RBM6: variants seen among roughly 807,000 people sequenced by gnomAD.
RBM6 encodes the protein RNA-binding protein 6.
A neutral mutation model predicts 140.4 loss-of-function variants in RBM6; 23 were observed. That is an observed-to-expected ratio of 0.16 (90% CI 0.12 to 0.23). RBM6 has a LOEUF of 0.23. RBM6 is among the 10% of genes least tolerant of loss of function. The pLI, the probability that RBM6 is intolerant of heterozygous loss-of-function variation, is 1.00. For synonymous variants in RBM6, 439 were observed against 475.6 expected, an observed-to-expected ratio of 0.92 and a Z score of 1.00; for missense variants, 1,139 against 1,386.7, an observed-to-expected ratio of 0.82 and a Z score of 2.84.
chr3:49,980,990 C>T (rs1028784846), intron 5 of RBM6, among the ~76,000 whole-genome samples: 2 of 151,662 alleles, frequency 1.3e-5, no homozygotes, highest in African/African-American at 4.8e-5. Context: ...GCAACCTCCG[C>T]CTCCTGGGTT....
At position 50,028,474 on chromosome 3, in the gene RBM6, C is replaced by T. The variant is rs1033460017; in HGVS notation, c.1558-19771C>T. 3.9e-5 allele frequency among the ~76,000 whole-genome samples: 6 copies of T among 152,144 alleles called. No individual in the cohort carries two copies. The East Asian group carries it at 5.8e-4, about 15-fold the overall frequency. On this transcript the variant is annotated intron_variant, in intron 6 of 20. Transcript: ENST00000266022. ...ACTGGCACCCTTTAAGGCCAGAGAA[C>T]GTTAGTTTAGGCACTTTTCCTAGTA... is the stretch of plus-strand genomic sequence containing the variant.
intron 5 of RBM6, among the ~76,000 whole-genome samples, chr3:49,992,859 C>G (rs1360702770): frequency 6.6e-6 from 1 of 152,170 alleles, no homozygotes; most frequent in African/African-American, 2.4e-5. Flanking sequence ...TTCTGTCATG[C>G]CTGCACCATC....
intron 1 of RBM6, among the ~76,000 whole-genome samples, chr3:49,956,082 G>C (rs1026986166): frequency 1.3e-5 from 2 of 149,708 alleles, no homozygotes; most frequent in African/African-American, 4.9e-5. Context: ...GAGCAAAATA[G>C]TGCAGTGCCA....
At chr3:50,067,186 C>CAAA (rs751552449) in intron 17 of RBM6, among the ~76,000 whole-genome samples, 4 of 19,556 alleles carry the variant, frequency 2.0e-4, no homozygotes, top group African/African-American at 3.1e-4. Context: ...GACTCTATCT[C>CAAA]AAAAAAAAAA....
At chr3:50,039,635 TTA>T (rs1355645591) in intron 6 of RBM6, among the ~76,000 whole-genome samples, 2 of 152,196 alleles carry the variant, frequency 1.3e-5, no homozygotes, top group Non-Finnish European at 2.9e-5. Flanking sequence ...AGATACAAAA[TTA>T]TAACAAGCTG....
intron 6 of RBM6, among the ~76,000 whole-genome samples, chr3:50,039,488 C>T (rs947689744): frequency 7.2e-6 from 1 of 138,114 alleles, no homozygotes; most frequent in Non-Finnish European, 1.6e-5. Context: ...ATCCACCCCC[C>T]CCCCCCCCAC....
At chr3:50,046,010 C>T (rs2089200096) in intron 6 of RBM6, among the ~76,000 whole-genome samples, 1 of 152,142 alleles carries the variant, frequency 6.6e-6, no homozygotes, top group Admixed American at 6.6e-5. Context: ...AGGCCGGACA[C>T]AGTGGCTCAC....
chr3:50,027,373 T>C (rs1394502119), intron 6 of RBM6, among the ~76,000 whole-genome samples: 1 of 152,228 alleles, frequency 6.6e-6, no homozygotes, highest in Non-Finnish European at 1.5e-5. Flanking sequence ...CTTACCTCTT[T>C]CAAGTGTACA....
chr3:49,961,985 G>A (rs564596872), intron 1 of RBM6, among the ~76,000 whole-genome samples: 1 of 151,172 alleles, frequency 6.6e-6, no homozygotes, highest in Non-Finnish European at 1.5e-5. Context: ...GTGAAAACCC[G>A]TCTCTACTAA....
chr3:49,964,051 C>T (rs1334860023), intron 2 of RBM6, among the ~76,000 whole-genome samples: 5 of 152,066 alleles, frequency 3.3e-5, no homozygotes, highest in Non-Finnish European at 5.9e-5. Flanking sequence ...CAGGTGTATG[C>T]CACCATGCCT....
At chr3:49,961,931 G>C (rs1398507363) in intron 1 of RBM6, among the ~76,000 whole-genome samples, 2 of 151,796 alleles carry the variant, frequency 1.3e-5, no homozygotes, top group Non-Finnish European at 2.9e-5. Flanking sequence ...CGAGGCGGGC[G>C]GACTGCTTGA....
rs113092826 is a variant in RBM6, at chr3:50,028,008, T to C, written c.1558-20237T>C. On this transcript the variant is annotated intron_variant, in intron 6 of 20. Coordinates refer to ENST00000266022, the MANE Select transcript of RBM6 (RefSeq NM_005777.3). ...TCTGGTTTGGAAGCCTTTGGATATT[T>C]GCATTACCCATTTGAATTCTCTCTT... 3.3e-3 allele frequency among the ~76,000 whole-genome samples: 503 copies of C among 152,222 alleles called. 4 individuals carry two copies. The highest frequency in any genetic ancestry group is 0.012 in the African/African-American group (492 of 41,540).
At chr3:49,943,427 A>G (rs906716910) in intron 1 of RBM6, among the ~76,000 whole-genome samples, 2 of 151,896 alleles carry the variant, frequency 1.3e-5, no homozygotes, top group African/African-American at 4.8e-5. Flanking sequence ...CAGCTTCCTG[A>G]GTAGCTGGGA....
At chr3:49,952,453 C>G (rs1170964045) in intron 1 of RBM6, among the ~76,000 whole-genome samples, 1 of 151,818 alleles carries the variant, frequency 6.6e-6, no homozygotes, top group African/African-American at 2.4e-5. Context: ...GACATGAGCA[C>G]TGTGCCCAGC....
intron 6 of RBM6, among the ~76,000 whole-genome samples, chr3:50,036,940 C>G (rs890282976): frequency 6.6e-6 from 1 of 152,058 alleles, no homozygotes; most frequent in African/African-American, 2.4e-5. Flanking sequence ...TGCCACCATG[C>G]CCAGCTAATT....
At chr3:50,038,113 C>A (rs1038902716) in intron 6 of RBM6, among the ~76,000 whole-genome samples, 6 of 151,868 alleles carry the variant, frequency 4.0e-5, no homozygotes, top group African/African-American at 9.7e-5. Flanking sequence ...TGAGCCACCG[C>A]TGCCGGTTCC....
At chr3:50,075,815 T>G (rs1350763300) in intron 20 of RBM6, among the ~76,000 whole-genome samples, 1 of 152,162 alleles carries the variant, frequency 6.6e-6, no homozygotes, top group Non-Finnish European at 1.5e-5. Flanking sequence ...TGTGTTGGCT[T>G]GCTTCTCCTC....
intron 6 of RBM6, among the ~76,000 whole-genome samples, chr3:50,010,998 C>T (rs949053734): frequency 1.3e-5 from 2 of 151,410 alleles, no homozygotes; most frequent in Non-Finnish European, 2.9e-5. Context: ...TACCACCCTC[C>T]ACCCTACCCC....
At chr3:49,972,251 C>A in intron 4 of RBM6, 103 bp downstream of exon 4, 1 of 863,526 alleles carries the variant, frequency 1.2e-6, no homozygotes, top group Non-Finnish European at 1.8e-6. Flanking sequence ...AAGAAATGCA[C>A]AGAGAAGTCT....
Sources: gnomAD v4.1 joint callset for allele counts (sites outside exome capture counted in the v4.1 genomes callset) on GRCh38, gnomAD v4.1.1 for gene constraint, MANE v1.5 for transcripts, NCBI Gene and HGNC (gene_info 2026-07-23, HGNC 2026-07-21) for gene names.